Variants in CADM2 observed in about 807,000 individuals in gnomAD.
CADM2 encodes immunoglobulin superfamily member 4D.
Under a neutral mutation model 49.8 loss-of-function variants are expected in CADM2, and 12 were observed. The ratio of observed to expected loss-of-function variants is 0.24; its 90% CI spans 0.15 to 0.39. The LOEUF (loss-of-function observed/expected upper bound fraction) is 0.39. Ranked by LOEUF, CADM2 falls within the 10% of genes least tolerant of loss-of-function variation. CADM2 has a pLI of 1.00. For missense variants in CADM2, 378 were observed against 492.3 expected, an observed-to-expected ratio of 0.77 and a Z score of 2.20; for synonymous variants, 214 against 175.4, an observed-to-expected ratio of 1.22 and a Z score of -1.74.
chr3:85,420,854 A>G (rs1576522010), intron 1 of CADM2, among the ~76,000 whole-genome samples: 1 of 152,202 alleles, frequency 6.6e-6, no homozygotes, highest in African/African-American at 2.4e-5. Flanking sequence ...CTTATAAAAT[A>G]AGTGTTGTAT....
chr3:85,111,698 G>T (rs6800224), intron 1 of CADM2, among the ~76,000 whole-genome samples: 14,855 of 151,730 alleles, frequency 0.098, 1,497 homozygotes, highest in African/African-American at 0.26. Flanking sequence ...GCACAATAGA[G>T]TGACTGTAGT....
chr3:85,185,865 ATACT>A (rs553286555), intron 1 of CADM2, among the ~76,000 whole-genome samples: 2 of 152,330 alleles, frequency 1.3e-5, no homozygotes, highest in South Asian at 4.1e-4. Context: ...GAATGAGTGA[ATACT>A]TAATAAATAT....
chr3:85,504,008 T>C (rs2040217819), intron 1 of CADM2, among the ~76,000 whole-genome samples: 1 of 152,188 alleles, frequency 6.6e-6, no homozygotes, highest in African/African-American at 2.4e-5. Context: ...GAATCAAACA[T>C]AGATAATAGA....
chr3:86,017,526 T>C (rs939067278), intron 8 of CADM2, among the ~76,000 whole-genome samples: 31 of 151,986 alleles, frequency 2.0e-4, no homozygotes, highest in Non-Finnish European at 4.6e-4. Context: ...AGCCAGGAGT[T>C]GGAGAGCAGA....
At chr3:85,985,810 C>G (rs1728035064) in intron 8 of CADM2, among the ~76,000 whole-genome samples, 1 of 151,862 alleles carries the variant, frequency 6.6e-6, no homozygotes, top group South Asian at 2.1e-4. Context: ...CAAAGTTGAG[C>G]TATATAAATT....
intron 1 of CADM2, among the ~76,000 whole-genome samples, chr3:85,152,170 A>G (rs558808908): frequency 2.0e-5 from 3 of 152,236 alleles, no homozygotes; most frequent in Non-Finnish European, 2.9e-5. Context: ...TTTTCCTACC[A>G]GTCAGTGTAA....
intron 3 of CADM2, among the ~76,000 whole-genome samples, chr3:85,808,219 A>C (rs1316091145): frequency 1.3e-5 from 2 of 152,234 alleles, no homozygotes; most frequent in African/African-American, 4.8e-5. Context: ...ATAAGAATCA[A>C]GAGGAAAATT....
intron 1 of CADM2, among the ~76,000 whole-genome samples, chr3:85,129,360 T>G (rs767102151): frequency 2.6e-5 from 4 of 152,226 alleles, no homozygotes; most frequent in Non-Finnish European, 5.9e-5. Flanking sequence ...ATATCTCTTT[T>G]TATTTACTTT....
At chr3:85,992,470 C>A (rs974724698) in intron 8 of CADM2, 2 of 151,792 alleles carry the variant, frequency 1.3e-5, no homozygotes, top group Non-Finnish European at 2.9e-5. Flanking sequence ...TATAGTGAAA[C>A]ATTTGAATAC....
chr3:85,969,730 C>T (rs1397594224), intron 8 of CADM2, among the ~76,000 whole-genome samples: 1 of 151,006 alleles, frequency 6.6e-6, no homozygotes, highest in African/African-American at 2.4e-5. Context: ...ATATTTTATG[C>T]ATCTTATTTA....
At chr3:86,055,465 T>G (rs979516034) in intron 8 of CADM2, among the ~76,000 whole-genome samples, 5 of 126,058 alleles carry the variant, frequency 4.0e-5, no homozygotes, top group Admixed American at 2.6e-4. Flanking sequence ...TTTTTTTTTT[T>G]TTTTTTTTTT....
chr3:85,849,026 TCAC>T (rs71617947), intron 3 of CADM2, among the ~76,000 whole-genome samples: 14 of 152,192 alleles, frequency 9.2e-5, no homozygotes, highest in Non-Finnish European at 1.6e-4. Flanking sequence ...TAAAAACTAT[TCAC>T]ATGGCCCAAA....
At chr3:85,079,730 A>G (rs1255514300) in intron 1 of CADM2, among the ~76,000 whole-genome samples, 1 of 151,966 alleles carries the variant, frequency 6.6e-6, no homozygotes, top group African/African-American at 2.4e-5. Flanking sequence ...ATTACATAGC[A>G]ATAGCTTGAA....
intron 7 of CADM2, among the ~76,000 whole-genome samples, chr3:85,941,771 T>C (rs1392922892): frequency 6.6e-6 from 1 of 152,042 alleles, no homozygotes; most frequent in Non-Finnish European, 1.5e-5. Context: ...AAAGAACAAA[T>C]GCAGATCTGG....
intron 1 of CADM2, among the ~76,000 whole-genome samples, chr3:85,276,001 G>A (rs1483084215): frequency 6.6e-6 from 1 of 151,174 alleles, no homozygotes; most frequent in East Asian, 1.9e-4. Context: ...ATGTACTACT[G>A]TTACTGTCAC....
intron 1 of CADM2, among the ~76,000 whole-genome samples, chr3:85,486,465 G>A (rs895161423): frequency 2.0e-5 from 3 of 152,020 alleles, no homozygotes; most frequent in Admixed American, 6.6e-5. Flanking sequence ...ATCCAGTTCC[G>A]ACATAAATGC....
intron 1 of CADM2, among the ~76,000 whole-genome samples, chr3:85,701,118 G>A (rs369955348): frequency 2.0e-5 from 3 of 152,278 alleles, no homozygotes; most frequent in Non-Finnish European, 1.5e-5. Context: ...ATGGCAGAAA[G>A]CAAAGGGGGA....
chr3:85,312,704 A>G (rs1169423971), intron 1 of CADM2, among the ~76,000 whole-genome samples: 1 of 152,208 alleles, frequency 6.6e-6, no homozygotes, highest in African/African-American at 2.4e-5. Context: ...TAAAATAAAA[A>G]GAACTCCCTA....
At chr3:85,682,414 T>C (rs2066064908) in intron 1 of CADM2, among the ~76,000 whole-genome samples, 1 of 152,118 alleles carries the variant, frequency 6.6e-6, no homozygotes, top group Admixed American at 6.6e-5. Context: ...AATATAATTA[T>C]TTACTGTAAC....
Sources: gnomAD v4.1 joint callset for allele counts (sites outside exome capture counted in the v4.1 genomes callset) on GRCh38, gnomAD v4.1.1 for gene constraint, MANE v1.5 for transcripts, NCBI Gene and HGNC (gene_info 2026-07-23, HGNC 2026-07-21) for gene names.